Variants in ZBTB20 observed in about 807,000 individuals in gnomAD.
The protein encoded by ZBTB20 is zinc finger and BTB domain-containing protein 20.
Under a neutral mutation model 56.9 loss-of-function variants are expected in ZBTB20, and 9 were observed. The ratio of observed to expected loss-of-function variants is 0.16; its 90% CI spans 0.10 to 0.28. The LOEUF (loss-of-function observed/expected upper bound fraction) is 0.28. Ranked by LOEUF, ZBTB20 falls within the 10% of genes least tolerant of loss-of-function variation. The pLI, the probability that ZBTB20 is intolerant of heterozygous loss-of-function variation, is 1.00. For missense variants in ZBTB20, 655 were observed against 1,003.0 expected, an observed-to-expected ratio of 0.65 and a Z score of 4.69; for synonymous variants, 417 against 420.7, an observed-to-expected ratio of 0.99 and a Z score of 0.11.
At chr3:114,489,826 C>T (rs2042535501) in intron 7 of ZBTB20, among the ~76,000 whole-genome samples, 1 of 152,164 alleles carries the variant, frequency 6.6e-6, no homozygotes, top group African/African-American at 2.4e-5. Context: ...ACATCATTTC[C>T]TAAAGGGAAT....
intron 1 of ZBTB20, among the ~76,000 whole-genome samples, chr3:115,075,186 T>C (rs1343217736): frequency 6.6e-6 from 1 of 152,168 alleles, no homozygotes; most frequent in East Asian, 1.9e-4. Context: ...GTGTGCAGTA[T>C]TGTTGACTAC....
intron 6 of ZBTB20, among the ~76,000 whole-genome samples, chr3:114,632,255 G>A (rs2058999230): frequency 6.6e-6 from 1 of 152,152 alleles, no homozygotes. Context: ...CCAGCTGCAG[G>A]TGGTTATCCT....
At chr3:114,701,177 T>C (rs1415594693) in intron 5 of ZBTB20, among the ~76,000 whole-genome samples, 1 of 152,182 alleles carries the variant, frequency 6.6e-6, no homozygotes, top group Non-Finnish European at 1.5e-5. Flanking sequence ...TTCCACTGTA[T>C]TGATGTGAAT....
At chr3:114,699,127 A>C (rs1414196739) in intron 5 of ZBTB20, among the ~76,000 whole-genome samples, 1 of 152,162 alleles carries the variant, frequency 6.6e-6, no homozygotes, top group Non-Finnish European at 1.5e-5. Context: ...GCTTAACAAA[A>C]ATTATAATAC....
intron 6 of ZBTB20, among the ~76,000 whole-genome samples, chr3:114,623,886 A>G (rs535136392): frequency 6.6e-6 from 1 of 152,066 alleles, no homozygotes; most frequent in South Asian, 2.1e-4. Context: ...TATGAAACCT[A>G]TGCCTACAGG....
rs58480744 is a variant in ZBTB20, at chr3:115,055,187, A to ATCTCTCTCTCTCTCTCTC, written c.-507+16014_-507+16031dup. Among the ~76,000 whole-genome samples, 826 of 103,142 alleles carry ATCTCTCTCTCTCTCTCTC rather than the reference A, an allele frequency of 8.0e-3. 85 individuals are homozygous for ATCTCTCTCTCTCTCTCTC. The highest frequency in any genetic ancestry group is 0.012 in the African/African-American group (304 of 25,152). The allele number at this position is 103,142 out of a possible 152,430, so 67.7% of individuals were successfully genotyped here. On this transcript the variant is annotated intron_variant, in intron 2 of 11. Transcript: ENST00000675478. ...TACAATCTTTTGCTCCCTCCTGGTA[A>ATCTCTCTCTCTCTCTCTC]TCTCTCTCTCTCTCTCTCTCTCTCT...
intron 11 of ZBTB20, among the ~76,000 whole-genome samples, chr3:114,341,079 T>C (rs1189319735): frequency 1.3e-5 from 2 of 152,240 alleles, no homozygotes; most frequent in African/African-American, 2.4e-5. Flanking sequence ...TTTGTTGTTA[T>C]TGTGTTTTCA....
At chr3:114,546,666 C>T (rs964292078) in intron 6 of ZBTB20, among the ~76,000 whole-genome samples, 4 of 150,948 alleles carry the variant, frequency 2.6e-5, no homozygotes, top group African/African-American at 7.3e-5. Context: ...AAAAGTTGCA[C>T]GTGGAGAATT....
intron 6 of ZBTB20, among the ~76,000 whole-genome samples, chr3:114,628,763 T>C (rs2058777174): frequency 6.6e-6 from 1 of 152,212 alleles, no homozygotes; most frequent in African/African-American, 2.4e-5. Flanking sequence ...TAATTTCTGA[T>C]ACAGGATCTC....
Position 114,646,032 on chromosome 3 carries a change from G to C in ZBTB20, c.-295+47496C>G, listed in dbSNP as rs576650592. 4.1e-5 allele frequency among the ~76,000 whole-genome samples: 6 copies of C among 147,178 alleles called. No individual in the cohort carries two copies. The South Asian group carries it at 1.3e-3, about 32-fold the overall frequency. ...TATTATGATAGGGAGTACTGATAAA[G>C]AAGAGTCAACTTTTTGGCCTTAGTC... is the stretch of plus-strand genomic sequence containing the variant. On this transcript the variant is annotated intron_variant, in intron 6 of 11. Transcript: ENST00000675478.
At chr3:115,119,808 G>A (rs1464310650) in intron 1 of ZBTB20, among the ~76,000 whole-genome samples, 1 of 152,134 alleles carries the variant, frequency 6.6e-6, no homozygotes. Flanking sequence ...CAGAGAGAGA[G>A]AAAGCACACA....
chr3:114,651,456 CA>C (rs1300734709), intron 6 of ZBTB20, among the ~76,000 whole-genome samples: 1 of 146,992 alleles, frequency 6.8e-6, no homozygotes, highest in Non-Finnish European at 1.5e-5. Context: ...TGCTTATTTT[CA>C]GCTTTGAATA....
At chr3:114,713,173 TATATTG>T (rs1482559428) in intron 5 of ZBTB20, among the ~76,000 whole-genome samples, 1 of 152,018 alleles carries the variant, frequency 6.6e-6, no homozygotes, top group Non-Finnish European at 1.5e-5. Flanking sequence ...ATCGTATGCT[TATATTG>T]ATTTTATTAT....
intron 2 of ZBTB20, among the ~76,000 whole-genome samples, chr3:114,990,976 T>C (rs2078781305): frequency 6.6e-6 from 1 of 152,246 alleles, no homozygotes; most frequent in South Asian, 2.1e-4. Flanking sequence ...TTTTATTGCG[T>C]CTATTTGATT....
intron 5 of ZBTB20, among the ~76,000 whole-genome samples, chr3:114,724,024 G>A (rs1165795965): frequency 5.3e-5 from 8 of 151,298 alleles, no homozygotes; most frequent in Non-Finnish European, 1.0e-4. Context: ...GCCCACCACC[G>A]AGCCCGGCTA....
At chr3:114,449,521 T>C (rs1440216628) in intron 7 of ZBTB20, among the ~76,000 whole-genome samples, 3 of 151,900 alleles carry the variant, frequency 2.0e-5, no homozygotes. Context: ...TAATAATCAC[T>C]GACAGGAAAG....
intron 7 of ZBTB20, among the ~76,000 whole-genome samples, chr3:114,413,481 ACT>A (rs1283963751): frequency 1.3e-5 from 2 of 152,126 alleles, no homozygotes; most frequent in Non-Finnish European, 2.9e-5. Context: ...GAGGAAAATA[ACT>A]CTAATTCTTT....
intron 5 of ZBTB20, among the ~76,000 whole-genome samples, chr3:114,716,511 T>A (rs1302562945): frequency 6.6e-6 from 1 of 152,088 alleles, no homozygotes; most frequent in Non-Finnish European, 1.5e-5. Flanking sequence ...GTCTGCAGGG[T>A]CTACACTAAG....
chr3:115,120,963 G>T lies in ZBTB20; in HGVS notation c.-703+26256C>A, dbSNP rs551226198. On this transcript the variant is annotated intron_variant, in intron 1 of 11. Transcript: ENST00000675478. ...AACCAGGAAAAAAAGAAAGAGATGA[G>T]ATTTGAAAAGGAATTAAATTTCAAG... Among the ~76,000 whole-genome samples the T allele has an allele frequency of 1.4e-3, 207 of 152,186 alleles. 2 individuals carry two copies. The highest frequency in any genetic ancestry group is 7.7e-3 in the South Asian group (37 of 4,822).
Sources: gnomAD v4.1 joint callset for allele counts (sites outside exome capture counted in the v4.1 genomes callset) on GRCh38, gnomAD v4.1.1 for gene constraint, MANE v1.5 for transcripts, NCBI Gene and HGNC (gene_info 2026-07-23, HGNC 2026-07-21) for gene names.